The following BLTP1 variants were observed in gnomAD, a reference collection of about 807,000 sequenced individuals.
The protein encoded by BLTP1 is fragile site-associated protein.
At chr4:122,220,766 TTAAC>T in the BLTP1 span, among the ~76,000 whole-genome samples, 1 of 152,128 alleles carries the variant, frequency 6.6e-6, no homozygotes, top group African/African-American at 2.4e-5. Flanking sequence ...AAGGGAAAAA[TTAAC>T]TATATAAAAT....
chr4:122,229,049 A>G, the BLTP1 span: 3 of 1,296,276 alleles, frequency 2.3e-6, no homozygotes, highest in African/African-American at 4.6e-5. Flanking sequence ...GTTTATTTAA[A>G]GAAGATGACT....
At chr4:122,267,051 ATTT>A in the BLTP1 span, 5,173 of 150,864 alleles carry the variant, frequency 0.034, 36 homozygotes, top group South Asian at 0.057. Context: ...TAAGGAAGTA[ATTT>A]TTTTTTTTTT....
chr4:122,307,700 G>A, the BLTP1 span: 1 of 985,254 alleles, frequency 1.0e-6, no homozygotes, highest in South Asian at 4.7e-5. Context: ...TAGAGGGAAT[G>A]AACAGACCTG....
chr4:122,331,353 C>A, the BLTP1 span: 1 of 1,611,284 alleles, frequency 6.2e-7, no homozygotes, highest in South Asian at 1.1e-5. Context: ...AAGCAACAGG[C>A]TTTGCTGCTG....
chr4:122,309,535 T>C, the BLTP1 span: 1 of 1,437,808 alleles, frequency 7.0e-7, no homozygotes, highest in Non-Finnish European at 9.5e-7. Flanking sequence ...ATTTGTGAAA[T>C]TAAAAGATGC....
At chr4:122,362,001 CCTT>C in the BLTP1 span, 1 of 1,582,160 alleles carries the variant, frequency 6.3e-7, no homozygotes, top group Non-Finnish European at 8.6e-7. Context: ...GCATTACACT[CCTT>C]AATAATAACT....
the BLTP1 span, chr4:122,208,266 A>C: frequency 9.4e-6 from 6 of 635,542 alleles, no homozygotes; most frequent in Non-Finnish European, 9.8e-6. Flanking sequence ...GCATTTATAC[A>C]TTAGGAAAGT....
chr4:122,171,852 TG>T, the BLTP1 span: 121 of 983,984 alleles, frequency 1.2e-4, no homozygotes, highest in Non-Finnish European at 1.4e-4. Context: ...TTAATCCCTC[TG>T]TTTTACTATG....
At chr4:122,216,078 T>C in the BLTP1 span, among the ~76,000 whole-genome samples, 31 of 134,730 alleles carry the variant, frequency 2.3e-4, no homozygotes, top group Admixed American at 1.5e-3. Flanking sequence ...TGTATCTATC[T>C]TTGTCTGTCT....
At chr4:122,347,437 G>A in the BLTP1 span, 1 of 1,489,426 alleles carries the variant, frequency 6.7e-7, no homozygotes, top group Non-Finnish European at 9.0e-7. Flanking sequence ...GATTAGAAAT[G>A]ATGGATGGGT....
At chr4:122,251,011 T>C in the BLTP1 span, 1 of 984,844 alleles carries the variant, frequency 1.0e-6, no homozygotes, top group African/African-American at 1.7e-5. Flanking sequence ...TTCAACTCAC[T>C]TTTTATTTTT....
At chr4:122,242,654 C>G in the BLTP1 span, among the ~76,000 whole-genome samples, 1 of 152,088 alleles carries the variant, frequency 6.6e-6, no homozygotes. Flanking sequence ...TTCTGTGGCT[C>G]TCTTTCCCAC....
At chr4:122,254,623 T>C in the BLTP1 span, 1 of 811,966 alleles carries the variant, frequency 1.2e-6, no homozygotes, top group Non-Finnish European at 1.4e-6. Context: ...TTTTTCTTTC[T>C]TTTCTATTGT....
the BLTP1 span, among the ~76,000 whole-genome samples, chr4:122,242,140 ATTAATTCAGT>A: frequency 1.3e-5 from 2 of 152,220 alleles, no homozygotes; most frequent in Non-Finnish European, 2.9e-5. Flanking sequence ...TCCAAAGGCA[ATTAATTCAGT>A]TTATTAAAGA....
the BLTP1 span, chr4:122,169,733 A>G: frequency 3.0e-6 from 3 of 984,516 alleles, no homozygotes; most frequent in Non-Finnish European, 3.6e-6. Context: ...ATGCATACAA[A>G]TATTTGTCAG....
At chr4:122,224,361 A>C in the BLTP1 span, 2 of 932,832 alleles carry the variant, frequency 2.1e-6, no homozygotes, top group Non-Finnish European at 3.2e-6. Context: ...AGGTTGTGTT[A>C]GGAGCTTGTG....
At chr4:122,250,415 G>A in the BLTP1 span, 1 of 1,613,768 alleles carries the variant, frequency 6.2e-7, no homozygotes, top group South Asian at 1.1e-5. Flanking sequence ...TATGGGTAAA[G>A]CTAGTGACAC....
At chr4:122,297,459 G>A in the BLTP1 span, among the ~76,000 whole-genome samples, 1 of 152,148 alleles carries the variant, frequency 6.6e-6, no homozygotes, top group Admixed American at 6.5e-5. Context: ...GTTGGTGGGA[G>A]CGTAAATTAG....
At chr4:122,362,005 A>T in the BLTP1 span, 8 of 1,571,982 alleles carry the variant, frequency 5.1e-6, no homozygotes, top group Non-Finnish European at 6.9e-6. Context: ...TACACTCCTT[A>T]ATAATAACTG....
Sources: gnomAD v4.1 joint callset for allele counts (sites outside exome capture counted in the v4.1 genomes callset) on GRCh38, gnomAD v4.1.1 for gene constraint, MANE v1.5 for transcripts, NCBI Gene and HGNC (gene_info 2026-07-23, HGNC 2026-07-21) for gene names.